Variants in CNTLN observed in about 807,000 individuals in gnomAD.
CNTLN encodes the protein centlein.
A neutral mutation model predicts 180.0 loss-of-function variants in CNTLN; 212 were observed. The observed-to-expected ratio is 1.18, with a 90% CI of 1.05 to 1.32. The LOEUF (loss-of-function observed/expected upper bound fraction) is 1.32, where lower values mean the gene tolerates loss of function less well. CNTLN is among the 40% of genes most tolerant of loss of function. The pLI is 0.00. For missense variants in CNTLN, 2,095 were observed against 1,610.9 expected (o/e 1.30, Z -5.14); for synonymous variants, 722 against 563.1 (o/e 1.28, Z -3.99).
the CNTLN span, among the ~76,000 whole-genome samples, chr9:17,522,531 C>T: frequency 1.3e-5 from 2 of 152,242 alleles, no homozygotes; most frequent in East Asian, 1.9e-4. Flanking sequence ...GGGCTGGGCT[C>T]CTATGGGAGA....
chr9:17,310,625 T>A (rs1819065499), intron 8 of CNTLN, among the ~76,000 whole-genome samples: 1 of 152,206 alleles, frequency 6.6e-6, no homozygotes, highest in Admixed American at 6.5e-5. Context: ...GTGAAAATGT[T>A]ACTTTTAGGT....
At chr9:17,492,091 G>A (rs996026464) in intron 25 of CNTLN, among the ~76,000 whole-genome samples, 1 of 151,992 alleles carries the variant, frequency 6.6e-6, no homozygotes, top group African/African-American at 2.4e-5. Context: ...CTCACATTTA[G>A]ATGAAGTAGC....
At chr9:17,206,926 G>C (rs1418735005) in intron 2 of CNTLN, among the ~76,000 whole-genome samples, 3 of 152,230 alleles carry the variant, frequency 2.0e-5, no homozygotes, top group African/African-American at 7.2e-5. Flanking sequence ...ATGCCAAACA[G>C]CTTGTTAAAA....
chr9:17,342,783 G>A (rs1821587199), intron 12 of CNTLN, among the ~76,000 whole-genome samples: 1 of 152,120 alleles, frequency 6.6e-6, no homozygotes, highest in Non-Finnish European at 1.5e-5. Context: ...GGATAACCTA[G>A]CCAGCCATCC....
chr9:17,275,050 AT>A (rs779965139), intron 6 of CNTLN, among the ~76,000 whole-genome samples: 2 of 152,110 alleles, frequency 1.3e-5, no homozygotes, highest in East Asian at 3.8e-4. Flanking sequence ...TCATGTTATA[AT>A]TATTTTTAAA....
intron 12 of CNTLN, among the ~76,000 whole-genome samples, chr9:17,359,005 C>A (rs1823078038): frequency 6.6e-6 from 1 of 151,702 alleles, no homozygotes; most frequent in Non-Finnish European, 1.5e-5. Context: ...TTATTCCTCT[C>A]CTCTCCCCTC....
At chr9:17,494,764 C>G (rs887115144) in intron 25 of CNTLN, 12 of 315,388 alleles carry the variant, frequency 3.8e-5, no homozygotes, top group Non-Finnish European at 6.9e-5. Flanking sequence ...GTAAACAAAC[C>G]TGCTGTGCTG....
intron 23 of CNTLN, among the ~76,000 whole-genome samples, chr9:17,469,238 A>G (rs575987949): frequency 1.2e-4 from 18 of 151,980 alleles, no homozygotes; most frequent in African/African-American, 4.3e-4. Context: ...TTGAATTCAA[A>G]TAACAATACA....
chr9:17,457,502 ATTTT>A lies in CNTLN; in HGVS notation c.3115-21_3115-18del, dbSNP rs746946408. ...TTACTTTTAAAATATATTTATATTT[ATTTT>A]CTTTTTTTAAAAAAAAGAAGCTAAA... On this transcript the variant is annotated intron_variant, in intron 18 of 25. Transcript: ENST00000380647. The A allele has an allele frequency of 8.3e-7, 1 of 1,210,170 alleles. No individual in the cohort carries two copies. Among genetic ancestry groups the A allele is most frequent in the South Asian group, 2.1e-5 (1 of 46,716 alleles). The allele number at this position is 1,210,170 out of a possible 1,614,324, so 75.0% of individuals were successfully genotyped here.
intron 6 of CNTLN, among the ~76,000 whole-genome samples, chr9:17,284,457 G>A (rs1432466463): frequency 6.6e-6 from 1 of 152,060 alleles, no homozygotes; most frequent in Non-Finnish European, 1.5e-5. Context: ...GGTCTATTCA[G>A]GGATTTAGCT....
At chr9:17,341,055 G>T (rs904412358) in intron 11 of CNTLN, 107 bp downstream of exon 11, 2 of 1,013,000 alleles carry the variant, frequency 2.0e-6, no homozygotes, top group Admixed American at 3.6e-5. Flanking sequence ...AAATTATTTG[G>T]TAGTCAAATC....
At chr9:17,346,562 G>T (rs1438533330) in intron 12 of CNTLN, among the ~76,000 whole-genome samples, 1 of 152,014 alleles carries the variant, frequency 6.6e-6, no homozygotes, top group Non-Finnish European at 1.5e-5. Context: ...CTTCCTTTTG[G>T]CCTCTATTGT....
intron 18 of CNTLN, chr9:17,444,211 C>T (rs1474841756): frequency 6.6e-6 from 1 of 152,218 alleles, no homozygotes; most frequent in African/African-American, 2.4e-5. Flanking sequence ...GACCAGCTTT[C>T]TCCATGCAGC....
At chr9:17,393,226 C>T (rs951767337) in intron 14 of CNTLN, among the ~76,000 whole-genome samples, 2 of 152,092 alleles carry the variant, frequency 1.3e-5, no homozygotes, top group African/African-American at 4.8e-5. Context: ...GATCCAATCA[C>T]CTTCCAAAGG....
In CNTLN at chr9:17,309,259, GA is replaced by G; in HGVS notation, c.1341+8del. The G allele has an allele frequency of 6.5e-7, 1 of 1,535,880 alleles. No individual in the cohort carries two copies. Among genetic ancestry groups the G allele is most frequent in the African/African-American group, 1.4e-5 (1 of 72,244 alleles). On this transcript the variant is annotated splice_region_variant and intron_variant, in intron 8 of 25. Coordinates refer to ENST00000380647, the MANE Select transcript of CNTLN (RefSeq NM_017738.4). The stretch of plus-strand genomic sequence containing the variant: ...TCCAGACTACTCAGCACAGGTGAGA[GA>G]CATTTTCTAAAACTGTTATTCAGTG...
At chr9:17,433,772 GAT>G (rs1278307582) in intron 18 of CNTLN, among the ~76,000 whole-genome samples, 3 of 152,022 alleles carry the variant, frequency 2.0e-5, no homozygotes, top group Non-Finnish European at 4.4e-5. Context: ...GTAGAGATGG[GAT>G]CTCACTTTGT....
intron 25 of CNTLN, among the ~76,000 whole-genome samples, chr9:17,501,031 C>A (rs191469791): frequency 6.9e-4 from 105 of 152,276 alleles, no homozygotes; most frequent in African/African-American, 2.5e-3. Context: ...CTAAGATATG[C>A]TTTTCCCACT....
At chr9:17,288,641 C>CT (rs1829154304) in intron 6 of CNTLN, among the ~76,000 whole-genome samples, 1 of 134,686 alleles carries the variant, frequency 7.4e-6, no homozygotes, top group Middle Eastern at 3.6e-3. Context: ...GTGTGGGAGT[C>CT]TAAGTCTCTT....
chr9:17,349,287 G>A (rs966562596), intron 12 of CNTLN, among the ~76,000 whole-genome samples: 1 of 152,004 alleles, frequency 6.6e-6, no homozygotes, highest in African/African-American at 2.4e-5. Context: ...TTTTCTATGG[G>A]CCAGGCAGTC....
Sources: gnomAD v4.1 joint callset for allele counts (sites outside exome capture counted in the v4.1 genomes callset) on GRCh38, gnomAD v4.1.1 for gene constraint, MANE v1.5 for transcripts, NCBI Gene and HGNC (gene_info 2026-07-23, HGNC 2026-07-21) for gene names.